The following SNTG1 variants were observed in gnomAD, a reference collection of about 807,000 sequenced individuals.
The protein encoded by SNTG1 is gamma-1-syntrophin.
A neutral mutation model predicts 74.7 loss-of-function variants in SNTG1; 39 were observed. The observed-to-expected ratio is 0.52, with a 90% CI of 0.40 to 0.68. The LOEUF is 0.68. Ranked by LOEUF, SNTG1 falls within the 30% of genes least tolerant of loss-of-function variation. The pLI is 0.00. For missense variants in SNTG1, 685 were observed against 609.5 expected (o/e 1.12, Z -1.30); for synonymous variants, 254 against 217.1 (o/e 1.17, Z -1.49).
At chr8:50,552,878 C>G (rs1240210180) in intron 11 of SNTG1, among the ~76,000 whole-genome samples, 172 bp from the exon 12 acceptor site, 1 of 152,130 alleles carries the variant, frequency 6.6e-6, no homozygotes. Context: ...TTGGGTCTAT[C>G]TTCAGTGTTT....
chr8:49,958,813 C>A (rs1438447919), intron 1 of SNTG1, among the ~76,000 whole-genome samples: 1 of 152,198 alleles, frequency 6.6e-6, no homozygotes, highest in Non-Finnish European at 1.5e-5. Flanking sequence ...ACAGATAAAT[C>A]ATTACTGGTC....
intron 8 of SNTG1, among the ~76,000 whole-genome samples, chr8:50,501,522 G>A (rs573397397): frequency 2.3e-5 from 3 of 130,438 alleles, no homozygotes; most frequent in Non-Finnish European, 3.1e-5. Flanking sequence ...TGCAACCTCC[G>A]CCTCCCAGGT....
At chr8:50,158,239 G>A (rs1373012062) in intron 1 of SNTG1, among the ~76,000 whole-genome samples, 2 of 152,060 alleles carry the variant, frequency 1.3e-5, no homozygotes, top group Non-Finnish European at 2.9e-5. Flanking sequence ...TCACATGGCT[G>A]GAATTTTAGA....
At chr8:50,607,327 C>G (rs1057346080) in intron 13 of SNTG1, among the ~76,000 whole-genome samples, 2 of 151,382 alleles carry the variant, frequency 1.3e-5, no homozygotes, top group African/African-American at 4.8e-5. Context: ...CCCAGTTAAG[C>G]TATCTAGTCC....
intron 1 of SNTG1, among the ~76,000 whole-genome samples, chr8:49,916,847 G>GAA (rs200307382): frequency 3.4e-5 from 5 of 145,656 alleles, no homozygotes; most frequent in Non-Finnish European, 4.5e-5. Flanking sequence ...TTCTTCAATA[G>GAA]AAAAAAAAAA....
At chr8:50,226,648 A>G in intron 2 of SNTG1, among the ~76,000 whole-genome samples, 1 of 146,422 alleles carries the variant, frequency 6.8e-6, no homozygotes, top group Non-Finnish European at 1.5e-5. Flanking sequence ...GTTTAAATTT[A>G]CCTATAATCT....
chr8:49,990,631 A>T (rs1813591765), intron 1 of SNTG1, among the ~76,000 whole-genome samples: 2 of 152,152 alleles, frequency 1.3e-5, no homozygotes, highest in Admixed American at 1.3e-4. Context: ...AATGGAATAG[A>T]CTTGAGATTC....
At chr8:49,944,327 T>C (rs1209487381) in intron 1 of SNTG1, among the ~76,000 whole-genome samples, 1 of 152,162 alleles carries the variant, frequency 6.6e-6, no homozygotes, top group Non-Finnish European at 1.5e-5. Context: ...TGGAATTTGC[T>C]ACATCCTTCA....
intron 2 of SNTG1, among the ~76,000 whole-genome samples, chr8:50,362,274 A>G (rs1224151617): frequency 6.6e-6 from 1 of 152,192 alleles, no homozygotes; most frequent in Non-Finnish European, 1.5e-5. Flanking sequence ...GATAACCAGT[A>G]TATCTTCCAG....
chr8:50,000,368 C>T (rs1047469143), intron 1 of SNTG1, among the ~76,000 whole-genome samples: 17 of 152,164 alleles, frequency 1.1e-4, no homozygotes, highest in African/African-American at 3.6e-4. Flanking sequence ...GTTTTAAAAT[C>T]ACAGAATGCT....
intron 2 of SNTG1, among the ~76,000 whole-genome samples, chr8:50,348,051 C>T (rs755851463): frequency 1.3e-5 from 2 of 152,088 alleles, no homozygotes; most frequent in Non-Finnish European, 2.9e-5. Context: ...CAGTTAATTG[C>T]TCTGATTGAA....
intron 15 of SNTG1, among the ~76,000 whole-genome samples, chr8:50,686,297 T>C (rs2095352249): frequency 6.6e-6 from 1 of 152,218 alleles, no homozygotes; most frequent in Non-Finnish European, 1.5e-5. Context: ...CCAAAACTAA[T>C]GTTTATAATT....
rs538247459 is a variant in SNTG1, at chr8:50,384,919, T to A, written c.-27-9293T>A. 2.6e-5 allele frequency among the ~76,000 whole-genome samples: 4 copies of A among 152,286 alleles called. No individual in the cohort carries two copies. In the East Asian group the frequency reaches 7.7e-4, roughly 29 times the overall value. The stretch of plus-strand genomic sequence containing the variant: ...CTATTGGATGATACCCAGTTCATGA[T>A]GAACATCTCAGGTGACTTGGTGTCC... On this transcript the variant is annotated intron_variant, in intron 2 of 18. Transcript: ENST00000642720.
intron 1 of SNTG1, among the ~76,000 whole-genome samples, chr8:50,047,066 G>A (rs1010837541): frequency 1.3e-5 from 2 of 152,010 alleles, no homozygotes; most frequent in African/African-American, 4.8e-5. Context: ...ATACGGTGAA[G>A]GTCTAAAAGA....
intron 1 of SNTG1, among the ~76,000 whole-genome samples, chr8:49,966,033 C>T (rs1317787585): frequency 6.6e-6 from 1 of 152,146 alleles, no homozygotes; most frequent in Non-Finnish European, 1.5e-5. Context: ...CTTTTTGCTG[C>T]AAGTATACTC....
chr8:50,084,441 A>G (rs964389310), intron 1 of SNTG1, among the ~76,000 whole-genome samples: 12 of 152,320 alleles, frequency 7.9e-5, no homozygotes, highest in Non-Finnish European at 5.9e-5. Flanking sequence ...GCCTGGTGAC[A>G]GAGTGAGACT....
Position 50,792,850 on chromosome 8 carries a change from C to T in SNTG1, c.*21C>T. 2 of 1,608,734 alleles carry T rather than the reference C, an allele frequency of 1.2e-6. No homozygotes were observed. Among genetic ancestry groups the T allele is most frequent in the Non-Finnish European group, 1.7e-6 (2 of 1,177,120 alleles). ...CTTGACATACTGAACTCTTCATTGA[C>T]ACACCCCATGACTGTATAAGCAGGA... On this transcript the variant is annotated 3_prime_UTR_variant, in exon 19 of 19. Transcript: ENST00000642720.
chr8:50,021,976 GA>G (rs2130681876), intron 1 of SNTG1, among the ~76,000 whole-genome samples: 1 of 150,336 alleles, frequency 6.7e-6, no homozygotes, highest in South Asian at 2.1e-4. Context: ...ATAAAAAGAA[GA>G]AGAAGAAGAA....
chr8:50,008,234 T>C (rs150323781), intron 1 of SNTG1, among the ~76,000 whole-genome samples: 1 of 152,324 alleles, frequency 6.6e-6, no homozygotes, highest in East Asian at 1.9e-4. Context: ...ATTCACTCTT[T>C]CCGGTAGCTG....
Sources: allele counts gnomAD v4.1 joint callset (sites outside exome capture counted in the v4.1 genomes callset), GRCh38; gene constraint gnomAD v4.1.1; transcripts MANE v1.5; gene names NCBI Gene and HGNC (gene_info 2026-07-23, HGNC 2026-07-21).